HEMK2: variants seen among roughly 807,000 people sequenced by gnomAD.
The protein encoded by HEMK2 is methyltransferase HEMK2.
At chr21:28,590,003 C>T in the HEMK2 span, among the ~76,000 whole-genome samples, 1 of 152,158 alleles carries the variant, frequency 6.6e-6, no homozygotes, top group Admixed American at 6.5e-5. Flanking sequence ...CCAGATTTCC[C>T]CATGCAAACA....
At chr21:28,753,936 C>A in the HEMK2 span, among the ~76,000 whole-genome samples, 16 of 152,144 alleles carry the variant, frequency 1.1e-4, 1 homozygote, top group Non-Finnish European at 1.8e-4. Flanking sequence ...TTTTTCATGG[C>A]GTGCAATAAT....
the HEMK2 span, among the ~76,000 whole-genome samples, chr21:28,780,182 A>ATT: frequency 6.8e-6 from 1 of 146,734 alleles, no homozygotes; most frequent in African/African-American, 2.5e-5. Flanking sequence ...GACCTAAACA[A>ATT]TTTTTTTTTT....
chr21:28,813,664 C>T, the HEMK2 span, among the ~76,000 whole-genome samples: 118 of 152,282 alleles, frequency 7.7e-4, 1 homozygote, highest in Non-Finnish European at 1.2e-3. Context: ...ATCACATTAC[C>T]TGACTTCAAA....
chr21:28,705,095 T>C, the HEMK2 span, among the ~76,000 whole-genome samples: 3 of 152,288 alleles, frequency 2.0e-5, no homozygotes, highest in South Asian at 2.1e-4. Flanking sequence ...ACTGCAGTTT[T>C]CTCTCCAAGC....
the HEMK2 span, among the ~76,000 whole-genome samples, chr21:28,738,325 C>T: frequency 0.069 from 10,545 of 152,190 alleles, 578 homozygotes; most frequent in East Asian, 0.16. Context: ...AAAAAGACAG[C>T]TGAAGTCTAT....
the HEMK2 span, among the ~76,000 whole-genome samples, chr21:28,665,387 A>ATTTTTTTT: frequency 9.0e-4 from 13 of 14,414 alleles, no homozygotes; most frequent in East Asian, 2.4e-3. Context: ...TTTTTTTTTA[A>ATTTTTTTT]TTTTTTTTTT....
chr21:28,596,041 C>A, the HEMK2 span, among the ~76,000 whole-genome samples: 1 of 147,682 alleles, frequency 6.8e-6, no homozygotes, highest in Non-Finnish European at 1.5e-5. Flanking sequence ...GCCTTGGCCT[C>A]CCAATATTTT....
the HEMK2 span, chr21:28,879,819 C>T: frequency 3.6e-5 from 49 of 1,367,090 alleles, 1 homozygote; most frequent in South Asian, 6.3e-4. Context: ...TTTGATTTTA[C>T]AAACAAAATA....
the HEMK2 span, among the ~76,000 whole-genome samples, chr21:28,794,829 T>A: frequency 3.0e-3 from 450 of 152,300 alleles, 11 homozygotes; most frequent in East Asian, 0.059. Context: ...GGGTTCTATG[T>A]AACATGAGAC....
the HEMK2 span, among the ~76,000 whole-genome samples, chr21:28,606,338 G>A: frequency 1.9e-4 from 29 of 152,298 alleles, no homozygotes; most frequent in African/African-American, 6.0e-4. Context: ...AACTAAAACA[G>A]TGTTGTACAT....
chr21:28,752,690 G>C, the HEMK2 span, among the ~76,000 whole-genome samples: 11 of 152,190 alleles, frequency 7.2e-5, no homozygotes, highest in African/African-American at 2.7e-4. Flanking sequence ...TCCCAGCCTT[G>C]TGTCCTTAGC....
chr21:28,677,373 C>A, the HEMK2 span, among the ~76,000 whole-genome samples: 1 of 152,158 alleles, frequency 6.6e-6, no homozygotes, highest in East Asian at 1.9e-4. Context: ...ATTGCCGAGG[C>A]TTGAGTAGGT....
At chr21:28,885,321 GCGTAGCGAAGTT>G in the HEMK2 span, 1 of 1,583,988 alleles carries the variant, frequency 6.3e-7, no homozygotes, top group Non-Finnish European at 8.6e-7. Context: ...CCGTGGAACG[GCGTAGCGAAGTT>G]CTCCCCTGCC....
the HEMK2 span, among the ~76,000 whole-genome samples, chr21:28,862,379 C>T: frequency 8.3e-6 from 1 of 121,110 alleles, no homozygotes; most frequent in Non-Finnish European, 1.7e-5. Flanking sequence ...GTGGGTCATG[C>T]CTGTAATCCC....
At chr21:28,701,377 C>A in the HEMK2 span, among the ~76,000 whole-genome samples, 11 of 152,140 alleles carry the variant, frequency 7.2e-5, no homozygotes, top group East Asian at 2.1e-3. Context: ...AGATATGATT[C>A]TATATACCTA....
At chr21:28,653,720 C>G in the HEMK2 span, among the ~76,000 whole-genome samples, 1 of 152,092 alleles carries the variant, frequency 6.6e-6, no homozygotes, top group Non-Finnish European at 1.5e-5. Flanking sequence ...AATCTTGGAC[C>G]CCTGATACAA....
the HEMK2 span, among the ~76,000 whole-genome samples, chr21:28,870,398 A>C: frequency 6.7e-6 from 1 of 149,738 alleles, no homozygotes; most frequent in Non-Finnish European, 1.5e-5. Flanking sequence ...AATTTTCAAA[A>C]TGTCATTTCT....
the HEMK2 span, chr21:28,875,326 A>C: frequency 1.3e-5 from 2 of 152,370 alleles, no homozygotes; most frequent in South Asian, 4.1e-4. Flanking sequence ...GTGACTCATT[A>C]AGTATCAGTC....
the HEMK2 span, among the ~76,000 whole-genome samples, chr21:28,738,265 TC>T: frequency 6.6e-6 from 1 of 152,240 alleles, no homozygotes; most frequent in South Asian, 2.1e-4. Flanking sequence ...AAGCAGTGTT[TC>T]TTTGTAAAAA....
Sources: gnomAD v4.1 joint callset for allele counts (sites outside exome capture counted in the v4.1 genomes callset) on GRCh38, gnomAD v4.1.1 for gene constraint, MANE v1.5 for transcripts, NCBI Gene and HGNC (gene_info 2026-07-23, HGNC 2026-07-21) for gene names.